Variants in UBE2N observed in about 807,000 individuals in gnomAD.
The protein encoded by UBE2N is ubiquitin conjugating enzyme E2 N.
For missense variants in UBE2N, 60 were observed against 192.1 expected, an observed-to-expected ratio of 0.31 and a Z score of 4.07; for synonymous variants, 70 against 69.2, an observed-to-expected ratio of 1.01 and a Z score of -0.06.
chr12:93,435,199 G>A (rs968711753), intron 1 of UBE2N, among the ~76,000 whole-genome samples: 5 of 152,056 alleles, frequency 3.3e-5, no homozygotes, highest in Admixed American at 2.0e-4. Context: ...TAGGACAGGC[G>A]CGGTGACTCA....
intron 1 of UBE2N, among the ~76,000 whole-genome samples, chr12:93,426,010 A>AG (rs1878568962): frequency 1.3e-5 from 2 of 152,220 alleles, no homozygotes; most frequent in Admixed American, 6.5e-5. Flanking sequence ...CAGCTTGGTT[A>AG]GGGACTTTAA....
intron 1 of UBE2N, among the ~76,000 whole-genome samples, chr12:93,416,857 C>CA (rs4020452): frequency 0.18 from 16,165 of 88,380 alleles, 1,556 homozygotes; most frequent in Non-Finnish European, 0.27. Flanking sequence ...CCATCACTAC[C>CA]AAAAAAAAAA....
intron 1 of UBE2N, among the ~76,000 whole-genome samples, chr12:93,426,988 C>T (rs529740614): frequency 2.0e-5 from 3 of 151,864 alleles, no homozygotes; most frequent in East Asian, 1.9e-4. Flanking sequence ...GGCACGATCT[C>T]GGCTCACTGC....
chr12:93,426,598 C>T (rs1878594125), intron 1 of UBE2N, among the ~76,000 whole-genome samples: 1 of 152,094 alleles, frequency 6.6e-6, no homozygotes, highest in Non-Finnish European at 1.5e-5. Context: ...GAAGTCAAGC[C>T]ACATACTGCC....
chr12:93,430,591 T>C (rs996014644), intron 1 of UBE2N, among the ~76,000 whole-genome samples: 2 of 151,418 alleles, frequency 1.3e-5, no homozygotes, highest in African/African-American at 4.9e-5. Flanking sequence ...CTAATTAAAT[T>C]ACAATAAAGA....
intron 1 of UBE2N, among the ~76,000 whole-genome samples, chr12:93,430,116 G>A (rs541706375): frequency 6.6e-6 from 1 of 152,124 alleles, no homozygotes; most frequent in South Asian, 2.1e-4. Flanking sequence ...CCCTATACAG[G>A]TATACCATTT....
intron 1 of UBE2N, chr12:93,429,202 G>A (rs975649354): frequency 2.7e-5 from 9 of 333,172 alleles, no homozygotes; most frequent in Non-Finnish European, 4.0e-5. Context: ...CCCAGGAGGC[G>A]GAGGTTGCAG....
chr12:93,410,228 G>C, intron 3 of UBE2N, 149 bp from the exon 4 acceptor site: 1 of 694,034 alleles, frequency 1.4e-6, no homozygotes. Context: ...ATTGGATCAG[G>C]GCTGAAAGAT....
At position 93,410,066 on chromosome 12, in the gene UBE2N, A is replaced by C. The variant is rs1269967125; in HGVS notation, c.432T>G (p.Thr144=). The C allele has an allele frequency of 3.7e-6, 6 of 1,613,552 alleles. No individual in the cohort carries two copies. Among genetic ancestry groups the C allele is most frequent in the Non-Finnish European group, 4.2e-6 (5 of 1,179,788 alleles). Reference sequence around the variant, plus strand: ...AAATATTATTCATGGCATATAGCCTAGTCCATGCTCTAGCTGTAGACAGAA... The same window carrying C: ...AAATATTATTCATGGCATATAGCCTCGTCCATGCTCTAGCTGTAGACAGAA... ...AQAIETARAW[T]RLYAMNNI is the part of the protein sequence containing the mutation. The change falls in exon 4 of 4, where the codon ACT becomes ACG. Residue 144 remains threonine (T), a synonymous_variant. Transcript: ENST00000318066.
intron 2 of UBE2N, 27 bp from the exon 3 acceptor site, chr12:93,410,901 T>C (rs138899710): frequency 6.2e-7 from 1 of 1,614,114 alleles, no homozygotes; most frequent in African/African-American, 1.3e-5. Flanking sequence ...CCCAGTATGA[T>C]AAAGCATGAA....
At position 93,432,933 on chromosome 12, in the gene UBE2N, GTT is replaced by G. The variant is rs71071735; in HGVS notation, c.30+8920_30+8921del. 2.3e-5 allele frequency among the ~76,000 whole-genome samples: 3 copies of G among 132,652 alleles called. No homozygotes were observed. The East Asian group carries it at 6.5e-4, about 29-fold the overall frequency. The allele number at this position is 132,652 out of a possible 152,430, so 87.0% of individuals were successfully genotyped here. A position where few individuals can be genotyped will look rare whatever the true frequency, so the allele number is the denominator to read the frequency against. ...GAAATTTTAGAATAGCTTCATTCAG[GTT>G]TTTTTTTTTTTTTGAGACGGAGTCT... On this transcript the variant is annotated intron_variant, in intron 1 of 3. Transcript: ENST00000318066.
chr12:93,428,433 A>G (rs928507436), intron 1 of UBE2N, among the ~76,000 whole-genome samples: 1 of 152,066 alleles, frequency 6.6e-6, no homozygotes, highest in Admixed American at 6.5e-5. Context: ...TTCAGCTCAA[A>G]TATCATCCTC....
intron 1 of UBE2N, among the ~76,000 whole-genome samples, chr12:93,415,094 G>C (rs1864791571): frequency 6.6e-6 from 1 of 152,024 alleles, no homozygotes; most frequent in South Asian, 2.1e-4. Context: ...CTCAGGTATG[G>C]GGAAAAATAG....
At chr12:93,414,426 G>A (rs1317447426) in intron 1 of UBE2N, among the ~76,000 whole-genome samples, 1 of 136,368 alleles carries the variant, frequency 7.3e-6, no homozygotes, top group Non-Finnish European at 1.5e-5. Flanking sequence ...TCCAGCCTAG[G>A]CAAAAGAGCG....
chr12:93,440,140 A>G (rs1349767531), intron 1 of UBE2N, among the ~76,000 whole-genome samples: 1 of 152,232 alleles, frequency 6.6e-6, no homozygotes, highest in African/African-American at 2.4e-5. Context: ...ATGAATGTCA[A>G]CTTGCATTAT....
intron 1 of UBE2N, among the ~76,000 whole-genome samples, chr12:93,438,264 A>C (rs1468741456): frequency 6.6e-6 from 1 of 152,212 alleles, no homozygotes; most frequent in East Asian, 1.9e-4. Context: ...ATAACTTCGA[A>C]CAGTAATAAG....
rs986992035 is a variant in UBE2N at position 93,408,662 on chromosome 12, G to A, written c.*1377C>T. On this transcript the variant is annotated 3_prime_UTR_variant, in exon 4 of 4. Transcript: ENST00000318066. ...GTGAGGGGAGGAATTCGTCAATAAA[G>A]AAGAAAAATTACTGAATTCCAAATT... 3 of 152,154 alleles carry A rather than the reference G, an allele frequency of 2.0e-5. No individual in the cohort carries two copies. The highest frequency in any genetic ancestry group is 7.2e-5 in the African/African-American group (3 of 41,466). The allele number at this position is 152,154 out of a possible 1,614,324, so 9.4% of individuals were successfully genotyped here. A position where few individuals can be genotyped will look rare whatever the true frequency, so the allele number is the denominator to read the frequency against.
intron 1 of UBE2N, among the ~76,000 whole-genome samples, chr12:93,438,577 TG>T (rs913932153): frequency 4.1e-5 from 6 of 147,466 alleles, no homozygotes; most frequent in Non-Finnish European, 6.0e-5. Flanking sequence ...AGCTAAGGGG[TG>T]GGGGGGAAGG....
At chr12:93,434,461 A>G (rs186034469) in intron 1 of UBE2N, among the ~76,000 whole-genome samples, 2 of 152,390 alleles carry the variant, frequency 1.3e-5, no homozygotes, top group East Asian at 3.9e-4. Context: ...GAGTTGATCA[A>G]TCTGGACTAA....
Sources: allele counts gnomAD v4.1 joint callset (sites outside exome capture counted in the v4.1 genomes callset), GRCh38; gene constraint gnomAD v4.1.1; transcripts MANE v1.5; gene names NCBI Gene and HGNC (gene_info 2026-07-23, HGNC 2026-07-21).